CRTAC1: variants seen among roughly 807,000 people sequenced by gnomAD.
The protein encoded by CRTAC1 is cartilage acidic protein 1.
Under a neutral mutation model 67.8 loss-of-function variants are expected in CRTAC1, and 37 were observed. The observed-to-expected ratio is 0.55, with a 90% CI of 0.42 to 0.72. The LOEUF is 0.72. CRTAC1 is among the 30% of genes least tolerant of loss of function. The pLI is 0.00. For missense variants in CRTAC1, 780 were observed against 931.6 expected, an observed-to-expected ratio of 0.84 and a Z score of 2.12; for synonymous variants, 348 against 371.0, an observed-to-expected ratio of 0.94 and a Z score of 0.71.
At chr10:98,028,415 A>G (rs75684580) in intron 1 of CRTAC1, among the ~76,000 whole-genome samples, 41 of 152,354 alleles carry the variant, frequency 2.7e-4, no homozygotes, top group African/African-American at 9.1e-4. Context: ...CCACCGCCTC[A>G]GCACGGAAGC....
At chr10:97,894,216 A>T (rs138804051) in intron 11 of CRTAC1, among the ~76,000 whole-genome samples, 2 of 152,100 alleles carry the variant, frequency 1.3e-5, no homozygotes, top group Non-Finnish European at 2.9e-5. Flanking sequence ...ATCATTTTAC[A>T]TTTCCACCAG....
intron 2 of CRTAC1, among the ~76,000 whole-genome samples, chr10:97,946,638 C>T (rs985258136): frequency 5.3e-5 from 8 of 152,114 alleles, no homozygotes; most frequent in African/African-American, 1.9e-4. Context: ...AAGAGAAGTG[C>T]CAGGAAGGAT....
At chr10:98,008,224 G>A (rs1267850464) in intron 2 of CRTAC1, among the ~76,000 whole-genome samples, 1 of 152,208 alleles carries the variant, frequency 6.6e-6, no homozygotes, top group Non-Finnish European at 1.5e-5. Flanking sequence ...TGAATCTTGA[G>A]GAGAGCAATG....
intron 8 of CRTAC1, among the ~76,000 whole-genome samples, chr10:97,901,117 C>T (rs12767960): frequency 0.12 from 11,116 of 94,242 alleles, 918 homozygotes; most frequent in African/African-American, 0.16. Context: ...GATTGGACCC[C>T]GTAGCCCCTT....
intron 2 of CRTAC1, among the ~76,000 whole-genome samples, chr10:98,000,640 A>G (rs1313625701): frequency 1.3e-5 from 2 of 152,246 alleles, no homozygotes; most frequent in African/African-American, 4.8e-5. Flanking sequence ...ATCAGGCCCA[A>G]GCAAAACTTG....
chr10:97,929,713 A>G (rs1210604826), intron 3 of CRTAC1, among the ~76,000 whole-genome samples: 1 of 152,348 alleles, frequency 6.6e-6, no homozygotes, highest in East Asian at 1.9e-4. Flanking sequence ...TAGATAATGT[A>G]TGTAAAGTGC....
chr10:97,987,736 C>G (rs1344795833), intron 2 of CRTAC1, among the ~76,000 whole-genome samples: 1 of 152,218 alleles, frequency 6.6e-6, no homozygotes, highest in African/African-American at 2.4e-5. Context: ...TACCTCTTGG[C>G]CATCCCTGTG....
intron 2 of CRTAC1, among the ~76,000 whole-genome samples, chr10:97,996,777 A>G (rs904520322): frequency 3.3e-5 from 5 of 152,160 alleles, no homozygotes; most frequent in African/African-American, 9.7e-5. Context: ...ATAAAGACAC[A>G]TGCACATGTA....
In CRTAC1 at chr10:97,904,714, G is replaced by T. The variant is rs758713280; in HGVS notation, c.951C>A (p.His317Gln). Residue 317 changes from histidine to glutamine, a missense_variant, in exon 7 of 15, where the codon CAC becomes CAA. By Grantham distance (24) the His-to-Gln change is conservative. Transcript: ENST00000370597. ...DIVYGNWNGP[H>Q]RLYLQMSTHG... ...GGGTGCTCATTTGCAGATAGAGGCG[G>T]TGGGGGCCATTCCAGTTGCCATAGA... 1.9e-6 allele frequency: 3 copies of T among 1,600,488 alleles called. No homozygotes were observed. The highest frequency in any genetic ancestry group is 1.3e-5 in the African/African-American group (1 of 74,322).
chr10:98,017,827 G>A (rs1843029597), intron 1 of CRTAC1, among the ~76,000 whole-genome samples: 1 of 151,710 alleles, frequency 6.6e-6, no homozygotes, highest in Admixed American at 6.6e-5. Context: ...GTGAGCCATC[G>A]TATCTGCTAA....
chr10:97,897,767 T>A (rs961671248), intron 8 of CRTAC1, among the ~76,000 whole-genome samples: 76 of 152,226 alleles, frequency 5.0e-4, no homozygotes, highest in African/African-American at 1.7e-3. Flanking sequence ...TCCTCTAGAA[T>A]TTTTCTCACT....
chr10:98,000,668 C>T (rs2136683281), intron 2 of CRTAC1, among the ~76,000 whole-genome samples: 1 of 152,346 alleles, frequency 6.6e-6, no homozygotes, highest in East Asian at 1.9e-4. Context: ...GCGCCACCAG[C>T]CACAGGTGTC....
At chr10:97,909,244 C>T (rs2050655845) in intron 5 of CRTAC1, among the ~76,000 whole-genome samples, 1 of 152,086 alleles carries the variant, frequency 6.6e-6, no homozygotes, top group Non-Finnish European at 1.5e-5. Flanking sequence ...CTCTGCTTGC[C>T]AGGCCCCACC....
At chr10:97,936,563 C>T (rs965434875) in intron 2 of CRTAC1, among the ~76,000 whole-genome samples, 197 bp from the exon 3 acceptor site, 8 of 152,138 alleles carry the variant, frequency 5.3e-5, no homozygotes, top group Non-Finnish European at 1.0e-4. Flanking sequence ...TCAGATTTTG[C>T]GCCCGGGCGC....
At chr10:97,873,825 G>A (rs574788104) in intron 14 of CRTAC1, among the ~76,000 whole-genome samples, 6 of 152,254 alleles carry the variant, frequency 3.9e-5, no homozygotes, top group East Asian at 3.9e-4. Context: ...TCCATCTGCC[G>A]CACCCTTCTC....
chr10:97,888,822 G>A (rs1239598143), intron 11 of CRTAC1, among the ~76,000 whole-genome samples: 1 of 152,196 alleles, frequency 6.6e-6, no homozygotes, highest in African/African-American at 2.4e-5. Context: ...GCAGAGACAT[G>A]AGGTCAGGAG....
rs774938607 is a variant in CRTAC1, at chr10:97,936,304, G to A, written c.287C>T (p.Ala96Val). Residue 96 changes from alanine (A) to valine (V), a missense_variant, in exon 3 of 15, where the codon GCG becomes GTG. Transcript: ENST00000370597. The part of the protein sequence containing the change: ...DRAQKRLVNI[A>V]VDERSSPYYA... ...GTAGGGTGAGCTGCGCTCATCGACC[G>A]CGATGTTCACCAGCCGCTTCTGGGC... 10 of 1,613,544 alleles carry A rather than the reference G, an allele frequency of 6.2e-6. No homozygotes were observed. Among genetic ancestry groups the A allele is most frequent in the South Asian group, 1.1e-5 (1 of 91,024 alleles).
chr10:97,943,086 G>A (rs1564905521), intron 2 of CRTAC1, among the ~76,000 whole-genome samples: 2 of 151,668 alleles, frequency 1.3e-5, no homozygotes, highest in African/African-American at 2.4e-5. Flanking sequence ...AAAAAAAAGT[G>A]AAAAGTGAAA....
At chr10:97,938,876 C>T (rs2136617370) in intron 2 of CRTAC1, among the ~76,000 whole-genome samples, 1 of 152,322 alleles carries the variant, frequency 6.6e-6, no homozygotes, top group African/African-American at 2.4e-5. Flanking sequence ...AAAGGCAGCC[C>T]TGGGGGCCCT....
Sources: allele counts gnomAD v4.1 joint callset (sites outside exome capture counted in the v4.1 genomes callset), GRCh38; gene constraint gnomAD v4.1.1; transcripts MANE v1.5; gene names NCBI Gene and HGNC (gene_info 2026-07-23, HGNC 2026-07-21).